The following WWOX variants were observed in gnomAD, a reference collection of about 807,000 sequenced individuals.
WWOX encodes WW domain-containing oxidoreductase.
A neutral mutation model predicts 46.2 loss-of-function variants in WWOX; 69 were observed. The observed-to-expected ratio is 1.49, with a 90% CI of 1.23 to 1.82. The LOEUF is 1.82. WWOX is among the 40% of genes most tolerant of loss of function. The pLI is 0.00. For missense variants in WWOX, 919 were observed against 542.6 expected (o/e 1.69, Z -6.89); for synonymous variants, 359 against 202.6 (o/e 1.77, Z -6.56).
chr16:78,781,398 C>G lies in WWOX; in HGVS notation c.1056+348646C>G, dbSNP rs2050320084. ...CACCACTGGTATTCCGTCAGTCTTACTACCCCCTCCCACCTCTAGCCCACC... is the reference window on the plus strand; with the variant it reads ...CACCACTGGTATTCCGTCAGTCTTAGTACCCCCTCCCACCTCTAGCCCACC... On this transcript the variant is annotated intron_variant, in intron 8 of 8. Transcript: ENST00000566780. Among the ~76,000 whole-genome samples, 3 of 152,292 alleles carry G rather than the reference C, an allele frequency of 2.0e-5. No homozygotes were observed. The South Asian group carries it at 6.2e-4, about 32-fold the overall frequency.
intron 8 of WWOX, among the ~76,000 whole-genome samples, chr16:78,571,036 G>A (rs779844923): frequency 6.6e-6 from 1 of 152,124 alleles, no homozygotes; most frequent in Non-Finnish European, 1.5e-5. Context: ...TGTAATCTGT[G>A]ATTTTTAAAT....
chr16:78,657,791 C>T (rs1389927422), intron 8 of WWOX, among the ~76,000 whole-genome samples: 2 of 152,014 alleles, frequency 1.3e-5, no homozygotes, highest in Admixed American at 6.6e-5. Context: ...CATTGTTGTC[C>T]TTTTTTATTA....
At chr16:78,099,980 G>A in intron 1 of WWOX, 95 bp downstream of exon 1, 1 of 1,516,556 alleles carries the variant, frequency 6.6e-7, no homozygotes, top group South Asian at 1.3e-5. Context: ...CCAGCGCAGC[G>A]CGTGCGGTGC....
At chr16:78,405,257 C>G (rs920931653) in intron 6 of WWOX, among the ~76,000 whole-genome samples, 1 of 152,172 alleles carries the variant, frequency 6.6e-6, no homozygotes, top group Non-Finnish European at 1.5e-5. Context: ...CCAGGGGACA[C>G]AGCCGGTGCT....
chr16:78,659,592 A>G (rs1283281512), intron 8 of WWOX, among the ~76,000 whole-genome samples: 2 of 152,178 alleles, frequency 1.3e-5, no homozygotes, highest in African/African-American at 4.8e-5. Context: ...AAATGTTTCC[A>G]AAGTGCACTT....
chr16:79,132,624 T>A (rs752257348), intron 8 of WWOX, among the ~76,000 whole-genome samples: 3 of 152,332 alleles, frequency 2.0e-5, no homozygotes, highest in Non-Finnish European at 4.4e-5. Context: ...AAACATCGCT[T>A]TTCTTTTTTT....
intron 8 of WWOX, among the ~76,000 whole-genome samples, chr16:78,511,383 C>A (rs1408666873): frequency 6.6e-6 from 1 of 152,132 alleles, no homozygotes; most frequent in African/African-American, 2.4e-5. Flanking sequence ...TAATGCACAC[C>A]AGAAACGTCC....
chr16:78,890,630 G>T (rs2044569436), intron 8 of WWOX: 3 of 152,188 alleles, frequency 2.0e-5, no homozygotes, highest in Admixed American at 1.3e-4. Context: ...GTCTACATGT[G>T]GTCTGCTCAC....
chr16:78,150,738 G>A (rs529402590), intron 4 of WWOX, among the ~76,000 whole-genome samples: 1 of 152,162 alleles, frequency 6.6e-6, no homozygotes, highest in African/African-American at 2.4e-5. Flanking sequence ...TAAATCATTG[G>A]CCATTGGTGA....
At chr16:79,194,441 G>A (rs944228307) in intron 8 of WWOX, among the ~76,000 whole-genome samples, 1 of 152,172 alleles carries the variant, frequency 6.6e-6, no homozygotes, top group African/African-American at 2.4e-5. Context: ...TAGATGGACT[G>A]TGAAGATGAA....
chr16:78,711,082 A>AAG (rs1215227400), intron 8 of WWOX, among the ~76,000 whole-genome samples: 3 of 152,200 alleles, frequency 2.0e-5, no homozygotes, highest in Non-Finnish European at 4.4e-5. Context: ...GTAAGTTATA[A>AAG]AGAGAGATTA....
chr16:79,130,769 C>T (rs2049861084), intron 8 of WWOX, among the ~76,000 whole-genome samples: 1 of 152,202 alleles, frequency 6.6e-6, no homozygotes, highest in Admixed American at 6.5e-5. Flanking sequence ...GATGCAGAGT[C>T]TTCATCTTGT....
chr16:78,941,783 T>C (rs1284811636), intron 8 of WWOX, among the ~76,000 whole-genome samples: 1 of 152,184 alleles, frequency 6.6e-6, no homozygotes, highest in Non-Finnish European at 1.5e-5. Context: ...GGTATCATAA[T>C]CAAATAAAAG....
At chr16:78,274,742 A>G (rs921559537) in intron 5 of WWOX, among the ~76,000 whole-genome samples, 1 of 152,206 alleles carries the variant, frequency 6.6e-6, no homozygotes, top group South Asian at 2.1e-4. Context: ...CGAGGGCCCT[A>G]GAATCACCTT....
At chr16:79,198,546 C>A (rs2051285940) in intron 8 of WWOX, among the ~76,000 whole-genome samples, 1 of 152,132 alleles carries the variant, frequency 6.6e-6, no homozygotes, top group Non-Finnish European at 1.5e-5. Flanking sequence ...GGTGGAGCAA[C>A]CTAACTAGAG....
intron 8 of WWOX, among the ~76,000 whole-genome samples, chr16:79,090,280 CGTGTGT>C (rs61538157): frequency 0.026 from 3,640 of 138,356 alleles, 52 homozygotes; most frequent in African/African-American, 0.032. Flanking sequence ...CTACTGTGTG[CGTGTGT>C]GTGTGTGTGT....
At chr16:78,587,139 C>G (rs1202980388) in intron 8 of WWOX, among the ~76,000 whole-genome samples, 1 of 151,596 alleles carries the variant, frequency 6.6e-6, no homozygotes, top group Non-Finnish European at 1.5e-5. Context: ...TATCCTCTTA[C>G]CTCAGCCTCT....
At chr16:78,984,068 C>A (rs922857323) in intron 8 of WWOX, among the ~76,000 whole-genome samples, 1 of 151,872 alleles carries the variant, frequency 6.6e-6, no homozygotes, top group African/African-American at 2.4e-5. Context: ...TTAGTAGAGA[C>A]AGGGTTTCAC....
At chr16:78,539,540 G>C (rs771412660) in intron 8 of WWOX, among the ~76,000 whole-genome samples, 1 of 152,180 alleles carries the variant, frequency 6.6e-6, no homozygotes, top group Non-Finnish European at 1.5e-5. Flanking sequence ...GTTGACAGAA[G>C]TAGGACTTCA....
Sources: allele counts gnomAD v4.1 joint callset (sites outside exome capture counted in the v4.1 genomes callset), GRCh38; gene constraint gnomAD v4.1.1; transcripts MANE v1.5; gene names NCBI Gene and HGNC (gene_info 2026-07-23, HGNC 2026-07-21).